The following LMAN1L variants were observed in gnomAD, a reference collection of about 807,000 sequenced individuals.
The protein encoded by LMAN1L is protein ERGIC-53-like.
In LMAN1L, 60 loss-of-function variants were observed where a neutral mutation model predicts 58.3. The ratio of observed to expected loss-of-function variants is 1.03; its 90% CI spans 0.84 to 1.27. The LOEUF (loss-of-function observed/expected upper bound fraction) is 1.27. Ranked by LOEUF, LMAN1L falls within the 50% of genes most tolerant of loss-of-function variation. The probability of loss-of-function intolerance (pLI) is 0.00; values close to 1 mark genes in which losing one functional copy is unlikely to be tolerated. For synonymous variants in LMAN1L, 280 were observed against 271.6 expected, an observed-to-expected ratio of 1.03 and a Z score of -0.31; for missense variants, 629 against 674.0, an observed-to-expected ratio of 0.93 and a Z score of 0.74.
In LMAN1L at chr15:74,812,954, G is replaced by C. The variant is rs2063872313; in HGVS notation, c.100G>C (p.Glu34Gln). The change falls in exon 1 of 14, where the codon GAG (glutamate) becomes CAG (glutamine). Residue 34 changes from glutamate (E) to glutamine (Q), a missense_variant. Glu to Gln is a conservative substitution (Grantham distance 29, BLOSUM62 2). This residue lies in a region of LMAN1L where 573 missense variants were observed against 597.3 expected (regional missense o/e 0.96). Coordinates refer to ENST00000309664, the MANE Select transcript of LMAN1L (RefSeq NM_021819.3). The part of the protein sequence containing the change: ...ETGCPPLRRF[E>Q]YKLSFKGPRL... ...GGGGTGTCCTCCTCTACGCAGGTTT[G>C]AGTACAAGCTCAGCTTCAAAGGCCC... The C allele has an allele frequency of 1.2e-6, 2 of 1,613,954 alleles. 1 individual carries two copies. Among genetic ancestry groups the C allele is most frequent in the South Asian group, 2.2e-5 (2 of 91,076 alleles).
At chr15:74,816,872 C>T (rs1014379257) in intron 4 of LMAN1L, among the ~76,000 whole-genome samples, 182 bp downstream of exon 4, 1 of 152,200 alleles carries the variant, frequency 6.6e-6, no homozygotes, top group Non-Finnish European at 1.5e-5. Context: ...TCCTTCGACC[C>T]AGCAGCCCCA....
chr15:74,819,218 C>T lies in LMAN1L; in HGVS notation c.664C>T (p.Leu222Phe). 1.2e-6 allele frequency: 2 copies of T among 1,614,212 alleles called. No individual in the cohort carries two copies. Among genetic ancestry groups the T allele is most frequent in the Non-Finnish European group, 1.7e-6 (2 of 1,180,026 alleles). ...GEFCVDVGPLLLVPGGFFGVS... is the reference protein window; with the variant it reads ...GEFCVDVGPLFLVPGGFFGVS... ...GTTCTGTGTGGATGTGGGGCCCCTG[C>T]TTTTGGTCCCTGGAGGTTTCTTTGG... The change falls in exon 6 of 14, where the codon CTT (leucine) becomes TTT (phenylalanine). Residue 222 changes from leucine to phenylalanine, a missense_variant. Physicochemically the swap from Leu to Phe is conservative, Grantham distance 22 (BLOSUM62 0). Transcript: ENST00000309664.
intron 11 of LMAN1L, 24 bp from the exon 12 acceptor site, chr15:74,823,535 T>C: frequency 6.2e-7 from 1 of 1,613,152 alleles, no homozygotes. Context: ...TGAGTCATCT[T>C]ACTTGGTTAC....
rs1353444868 is a variant in LMAN1L, at chr15:74,821,085, C to A, written c.918C>A (p.Leu306=). Reference sequence around the variant, plus strand: ...TGCCCTAATCCCCAGGGGAAAGGCTCTTTGACCTGGAGGAGACGCTGGGCA... The same window carrying A: ...TGCCCTAATCCCCAGGGGAAAGGCTATTTGACCTGGAGGAGACGCTGGGCA... ...DSEAQGEGER[L]FDLEETLGRH... Residue 306 remains leucine, a synonymous_variant, in exon 9 of 14, where the codon CTC becomes CTA. Coordinates refer to ENST00000309664, the MANE Select transcript of LMAN1L (RefSeq NM_021819.3). The A allele has an allele frequency of 1.3e-6, 2 of 1,577,144 alleles. No individual in the cohort carries two copies. Among genetic ancestry groups the A allele is most frequent in the Non-Finnish European group, 1.7e-6 (2 of 1,161,652 alleles).
chr15:74,820,336 A>T, intron 7 of LMAN1L: 1 of 614,082 alleles, frequency 1.6e-6, no homozygotes, highest in East Asian at 2.7e-5. Flanking sequence ...CAGGTCTCAA[A>T]AGGTGCAGGG....
At chr15:74,824,513 C>T in intron 13 of LMAN1L, 35 bp downstream of exon 13, 1 of 1,612,492 alleles carries the variant, frequency 6.2e-7, no homozygotes, top group East Asian at 2.2e-5. Flanking sequence ...TCCCACAGCA[C>T]TGGCATCTCT....
At chr15:74,825,427 C>CCCATAA in intron 13 of LMAN1L, 49 bp from the exon 14 acceptor site, 1 of 1,572,022 alleles carries the variant, frequency 6.4e-7, no homozygotes, top group Non-Finnish European at 8.7e-7. Context: ...TTTTCAAAAG[C>CCCATAA]CCATAAAGGA....
rs142024915 is a variant in LMAN1L at position 74,820,699 on chromosome 15, G to A, written c.839G>A (p.Trp280Ter). Reference protein sequence around the residue: ...LRLARQLEGLWARLGLGTRED... With the variant: ...LRLARQLEGL ...CTGGCGAGGCAGCTGGAAGGGCTGT[G>A]GGCAAGGCTGGGCTTGGGCACCAGG... is the stretch of plus-strand genomic sequence containing the variant. The change falls in exon 8 of 14, where the codon TGG (tryptophan) becomes TAG (stop). Residue 280 changes from tryptophan to a stop codon, truncating the protein, a stop_gained. Coordinates refer to ENST00000309664, the MANE Select transcript of LMAN1L (RefSeq NM_021819.3). LOFTEE classifies it high-confidence loss of function. The A allele has an allele frequency of 2.9e-4, 462 of 1,613,786 alleles. No homozygotes were observed. The highest frequency in any genetic ancestry group is 3.7e-4 in the Non-Finnish European group (436 of 1,180,006).
intron 4 of LMAN1L, among the ~76,000 whole-genome samples, chr15:74,817,363 G>A (rs937519213): frequency 2.0e-5 from 3 of 152,344 alleles, no homozygotes; most frequent in South Asian, 2.1e-4. Context: ...ACTGGGGTTT[G>A]GAGAGATGAG....
chr15:74,821,303 C>T (rs2063915720), intron 9 of LMAN1L, 77 bp downstream of exon 9: 8 of 1,476,384 alleles, frequency 5.4e-6, no homozygotes, highest in African/African-American at 2.8e-5. Context: ...AGCAACTAGT[C>T]TCCCCTAAGG....
chr15:74,824,606 A>G (rs1047460692), intron 13 of LMAN1L, 128 bp downstream of exon 13: 2 of 1,123,496 alleles, frequency 1.8e-6, no homozygotes, highest in Non-Finnish European at 2.6e-6. Flanking sequence ...AATCACAAAG[A>G]GCACAGTGCG....
At chr15:74,823,043 G>A (rs1381569873) in intron 11 of LMAN1L, among the ~76,000 whole-genome samples, 1 of 152,224 alleles carries the variant, frequency 6.6e-6, no homozygotes, top group Non-Finnish European at 1.5e-5. Context: ...GGCTCTTGGA[G>A]AGGGAGCACA....
At position 74,819,224 on chromosome 15, in the gene LMAN1L, G is replaced by A; in HGVS notation, c.670G>A (p.Val224Ile). The A allele has an allele frequency of 6.2e-7, 1 of 1,614,202 alleles. No homozygotes were observed. The highest frequency in any genetic ancestry group is 8.5e-7 in the Non-Finnish European group (1 of 1,180,022). Residue 224 changes from valine (V) to isoleucine (I), a missense_variant, in exon 6 of 14, where the codon GTC becomes ATC. Transcript: ENST00000309664. ...TGTGGATGTGGGGCCCCTGCTTTTG[G>A]TCCCTGGAGGTTTCTTTGGGGTCTC... ...FCVDVGPLLLVPGGFFGVSAA... is the reference protein window; with the variant it reads ...FCVDVGPLLLIPGGFFGVSAA...
At chr15:74,823,801 C>CAAATG in intron 12 of LMAN1L, 119 bp downstream of exon 12, 1 of 1,216,684 alleles carries the variant, frequency 8.2e-7, no homozygotes, top group Non-Finnish European at 1.1e-6. Context: ...CCTCCCAGGA[C>CAAATG]TGCTGGCAAG....
chr15:74,816,486 G>A lies in LMAN1L; in HGVS notation c.390G>A (p.Ser130=). The A allele has an allele frequency of 1.3e-6, 2 of 1,550,396 alleles. No homozygotes were observed. The highest frequency in any genetic ancestry group is 8.7e-7 in the Non-Finnish European group (1 of 1,144,348). ...GCTCTGTCCTTGGGGGGCTGGCTTC[G>A]TGGGACGGCATCGGGATCTTCTTTG... is the stretch of plus-strand genomic sequence containing the variant. The part of the protein sequence containing the change: ...HVGSVLGGLA[S]WDGIGIFFDS... The change falls in exon 3 of 14, where the codon TCG becomes TCA. Residue 130 remains serine (S), a synonymous_variant. Transcript: ENST00000309664.
chr15:74,823,719 C>T (rs2063928337), intron 12 of LMAN1L, 37 bp downstream of exon 12: 3 of 1,602,452 alleles, frequency 1.9e-6, no homozygotes, highest in East Asian at 2.2e-5. Context: ...GGGTCCCCAA[C>T]CTTGACGTCT....
chr15:74,816,837 G>C (rs978664403), intron 4 of LMAN1L, 147 bp downstream of exon 4: 1 of 744,128 alleles, frequency 1.3e-6, no homozygotes, highest in Non-Finnish European at 2.1e-6. Context: ...TCACTTAGCC[G>C]ACGTCCGCCC....
At chr15:74,824,678 G>A (rs1245337151) in intron 13 of LMAN1L, 200 bp downstream of exon 13, 1 of 582,878 alleles carries the variant, frequency 1.7e-6, no homozygotes, top group Non-Finnish European at 3.0e-6. Context: ...AGCCCCATCT[G>A]GGTCCTGCTC....
chr15:74,814,430 G>C (rs2063881264), intron 1 of LMAN1L, among the ~76,000 whole-genome samples: 1 of 145,464 alleles, frequency 6.9e-6, no homozygotes, highest in East Asian at 2.1e-4. Context: ...CTGGAGTGCA[G>C]TGGCGTGATC....
Sources: gnomAD v4.1 joint callset for allele counts (sites outside exome capture counted in the v4.1 genomes callset) on GRCh38, gnomAD v4.1.1 for gene constraint, gnomAD v4.1.1 regional missense constraint, MANE v1.5 for transcripts, NCBI Gene and HGNC (gene_info 2026-07-23, HGNC 2026-07-21) for gene names.